Variants in MBNL1 observed in about 807,000 individuals in gnomAD.
MBNL1 encodes muscleblind like splicing regulator 1.
Under a neutral mutation model 42.2 loss-of-function variants are expected in MBNL1, and 8 were observed. The ratio of observed to expected loss-of-function variants is 0.19; its 90% CI spans 0.11 to 0.34. MBNL1 has a LOEUF of 0.34. Among genes scored for constraint, MBNL1 ranks in the 10% least tolerant of loss-of-function variants. The probability of loss-of-function intolerance (pLI) is 1.00; values close to 1 mark genes in which losing one functional copy is unlikely to be tolerated. For synonymous variants in MBNL1, 169 were observed against 173.9 expected, an observed-to-expected ratio of 0.97 and a Z score of 0.22; for missense variants, 309 against 495.3, an observed-to-expected ratio of 0.62 and a Z score of 3.57.
chr3:152,357,410 G>T (rs1190104243), intron 2 of MBNL1, among the ~76,000 whole-genome samples: 5 of 152,148 alleles, frequency 3.3e-5, no homozygotes, highest in Admixed American at 2.0e-4. Flanking sequence ...TGTGAGTTGT[G>T]TATAAAATAA....
chr3:152,319,249 A>G (rs1223180254), intron 2 of MBNL1, among the ~76,000 whole-genome samples: 1 of 152,128 alleles, frequency 6.6e-6, no homozygotes, highest in Non-Finnish European at 1.5e-5. Context: ...TTTGTTTAGC[A>G]TTTAGAGATG....
intron 2 of MBNL1, among the ~76,000 whole-genome samples, chr3:152,248,444 A>C (rs1023214929): frequency 3.9e-5 from 6 of 152,010 alleles, no homozygotes; most frequent in African/African-American, 1.4e-4. Flanking sequence ...AGATTTGCTT[A>C]AATATTTTAT....
chr3:152,302,518 C>T (rs954589907), intron 2 of MBNL1: 4 of 152,134 alleles, frequency 2.6e-5, no homozygotes, highest in African/African-American at 9.7e-5. Flanking sequence ...ATATTTATAA[C>T]TGACACATGT....
chr3:152,419,066 G>A (rs2098754743), intron 3 of MBNL1, among the ~76,000 whole-genome samples: 1 of 152,020 alleles, frequency 6.6e-6, no homozygotes. Context: ...GAGAAAATAA[G>A]TAGTAGAAAA....
At chr3:152,245,683 C>T (rs560881247) in intron 2 of MBNL1, among the ~76,000 whole-genome samples, 23 of 152,182 alleles carry the variant, frequency 1.5e-4, no homozygotes, top group African/African-American at 5.3e-4. Context: ...TTACCTAGTA[C>T]CTAGTTGGTT....
intron 2 of MBNL1, among the ~76,000 whole-genome samples, chr3:152,256,089 T>G (rs2035409955): frequency 6.6e-6 from 1 of 152,138 alleles, no homozygotes; most frequent in South Asian, 2.1e-4. Flanking sequence ...GGGAATGCAA[T>G]GAATGACCAT....
chr3:152,334,078 C>T (rs894559945), intron 2 of MBNL1, among the ~76,000 whole-genome samples: 4 of 152,162 alleles, frequency 2.6e-5, no homozygotes, highest in Non-Finnish European at 5.9e-5. Context: ...AATGAGTCTA[C>T]AGTGTGTGTT....
At chr3:152,344,129 A>G (rs1243591828) in intron 2 of MBNL1, among the ~76,000 whole-genome samples, 1 of 152,080 alleles carries the variant, frequency 6.6e-6, no homozygotes, top group African/African-American at 2.4e-5. Flanking sequence ...TACTTGTTTG[A>G]TATATGTTTC....
chr3:152,383,638 C>T (rs2097281231), intron 2 of MBNL1, among the ~76,000 whole-genome samples: 1 of 152,036 alleles, frequency 6.6e-6, no homozygotes, highest in Admixed American at 6.6e-5. Flanking sequence ...GTGATCCCTC[C>T]AGAGTTGTTT....
intron 2 of MBNL1, among the ~76,000 whole-genome samples, chr3:152,308,827 T>C (rs2064731941): frequency 6.6e-6 from 1 of 152,056 alleles, no homozygotes; most frequent in South Asian, 2.1e-4. Flanking sequence ...TTGTTTTTTT[T>C]TTTGGCATTT....
At chr3:152,410,245 T>C (rs1217161776) in intron 2 of MBNL1, among the ~76,000 whole-genome samples, 1 of 152,122 alleles carries the variant, frequency 6.6e-6, no homozygotes, top group Non-Finnish European at 1.5e-5. Flanking sequence ...TTTCCCTTAT[T>C]ATAGCCACAA....
chr3:152,351,458 G>C (rs972691736), intron 2 of MBNL1, among the ~76,000 whole-genome samples: 1 of 151,714 alleles, frequency 6.6e-6, no homozygotes, highest in Non-Finnish European at 1.5e-5. Flanking sequence ...TTTTATGTTA[G>C]TGTTTGTTTT....
chr3:152,273,984 A>G (rs1198195612), intron 1 of MBNL1, among the ~76,000 whole-genome samples: 1 of 152,218 alleles, frequency 6.6e-6, no homozygotes, highest in African/African-American at 2.4e-5. Flanking sequence ...CATACTATTA[A>G]GAAGAATTGT....
At chr3:152,371,814 G>T (rs1047282508) in intron 2 of MBNL1, among the ~76,000 whole-genome samples, 1 of 152,052 alleles carries the variant, frequency 6.6e-6, no homozygotes, top group African/African-American at 2.4e-5. Context: ...CTTTGTGGTG[G>T]TCTCTGTCTT....
At chr3:152,316,432 C>G (rs1032367463) in intron 2 of MBNL1, among the ~76,000 whole-genome samples, 4 of 152,164 alleles carry the variant, frequency 2.6e-5, no homozygotes, top group Admixed American at 2.0e-4. Context: ...CCATGTGAGT[C>G]AACAGCTTGC....
At chr3:152,383,761 A>G (rs1222781625) in intron 2 of MBNL1, among the ~76,000 whole-genome samples, 1 of 152,072 alleles carries the variant, frequency 6.6e-6, no homozygotes, top group South Asian at 2.1e-4. Context: ...CTTGAAAACT[A>G]TGTTGCTGCC....
chr3:152,405,297 T>C (rs1211040587), intron 2 of MBNL1, among the ~76,000 whole-genome samples: 1 of 152,176 alleles, frequency 6.6e-6, no homozygotes, highest in Non-Finnish European at 1.5e-5. Flanking sequence ...TTAAACTGCC[T>C]GGGTTCAGTC....
chr3:152,394,589 T>C (rs969662254), intron 2 of MBNL1, among the ~76,000 whole-genome samples: 16 of 152,198 alleles, frequency 1.1e-4, no homozygotes, highest in Non-Finnish European at 2.1e-4. Context: ...CTCTTTCCTT[T>C]ATTCAGCACT....
intron 6 of MBNL1, among the ~76,000 whole-genome samples, chr3:152,453,627 T>C (rs900483780): frequency 6.6e-6 from 1 of 152,208 alleles, no homozygotes; most frequent in Non-Finnish European, 1.5e-5. Context: ...TACAGCATTA[T>C]GTCCTCATAT....
Sources: allele counts gnomAD v4.1 joint callset (sites outside exome capture counted in the v4.1 genomes callset), GRCh38; gene constraint gnomAD v4.1.1; transcripts MANE v1.5; gene names NCBI Gene and HGNC (gene_info 2026-07-23, HGNC 2026-07-21).